DYDC2: variants seen among roughly 807,000 people sequenced by gnomAD.
DYDC2 encodes DPY30 domain containing 2, also known as DPY30 domain-containing protein 2.
DYDC2 carries 19 observed loss-of-function variants against 18.7 expected under a neutral mutation model. The ratio of observed to expected loss-of-function variants is 1.02; its 90% CI spans 0.71 to 1.49. DYDC2 has a LOEUF of 1.49. Among genes scored for constraint, DYDC2 ranks in the 40% most tolerant of loss-of-function variants. The pLI is 0.00. For missense variants in DYDC2, 179 were observed against 205.1 expected, an observed-to-expected ratio of 0.87 and a Z score of 0.78; for synonymous variants, 63 against 67.6, an observed-to-expected ratio of 0.93 and a Z score of 0.34.
upstream of DYDC2, chr10:80,356,731 C>G (rs1025625784): frequency 9.1e-6 from 9 of 985,314 alleles, no homozygotes; most frequent in Non-Finnish European, 9.6e-6. Flanking sequence ...CGCGCCTGCT[C>G]GCCACCCAGG....
upstream of DYDC2, among the ~76,000 whole-genome samples, chr10:80,353,834 T>TCA (rs1843164463): frequency 6.6e-6 from 1 of 152,112 alleles, no homozygotes; most frequent in Non-Finnish European, 1.5e-5. Flanking sequence ...AAATCAATAA[T>TCA]GATAATATCT....
chr10:80,361,085 C>T (rs1034923298), intron 2 of DYDC2, among the ~76,000 whole-genome samples: 1 of 152,040 alleles, frequency 6.6e-6, no homozygotes, highest in African/African-American at 2.4e-5. Context: ...ATTATTTTTT[C>T]TTGTCCAGGC....
rs895286578 is a variant in DYDC2 at position 80,357,963 on chromosome 10, A to C, written c.-92A>C. On this transcript the variant is annotated 5_prime_UTR_variant, in exon 2 of 5. Coordinates refer to ENST00000256039, the MANE Select transcript of DYDC2 (RefSeq NM_032372.6). Reference sequence around the variant, plus strand: ...AACCCCTATTCTTATCACCTTGCCTACTGAGTGCAAGTCCAGGAACTGTGT... The same window carrying C: ...AACCCCTATTCTTATCACCTTGCCTCCTGAGTGCAAGTCCAGGAACTGTGT... 1.8e-5 allele frequency: 18 copies of C among 985,076 alleles called. No homozygotes were observed. Among genetic ancestry groups the C allele is most frequent in the Non-Finnish European group, 2.0e-5 (17 of 829,720 alleles). 61.0% of individuals were successfully genotyped at this position (985,076 alleles called of 1,614,324 possible).
chr10:80,352,510 T>A, upstream of DYDC2: 1 of 1,613,544 alleles, frequency 6.2e-7, no homozygotes, highest in Non-Finnish European at 8.5e-7. Flanking sequence ...TGCTAAATAT[T>A]CTATCGGATC....
At chr10:80,366,163 G>C (rs1295457204) in intron 4 of DYDC2, among the ~76,000 whole-genome samples, 3 of 147,826 alleles carry the variant, frequency 2.0e-5, no homozygotes, top group East Asian at 4.2e-4. Context: ...CTCCCAAGTA[G>C]CTGGGATTAC....
In DYDC2 at chr10:80,367,103, A is replaced by G; in HGVS notation, c.*152A>G. On this transcript the variant is annotated 3_prime_UTR_variant, in exon 5 of 5. Coordinates refer to ENST00000256039, the MANE Select transcript of DYDC2 (RefSeq NM_032372.6). ...CTGAAAAACCCTTAATCATGTGAAC[A>G]TTTGAACTAGTTATAGGATAAAATA... 1 of 874,350 alleles carries G rather than the reference A, an allele frequency of 1.1e-6. No homozygotes were observed. The allele number at this position is 874,350 out of a possible 1,614,324, so 54.2% of individuals were successfully genotyped here.
chr10:80,360,835 T>C (rs1843645776), intron 2 of DYDC2, among the ~76,000 whole-genome samples: 1 of 151,472 alleles, frequency 6.6e-6, no homozygotes, highest in East Asian at 1.9e-4. Flanking sequence ...TCTCAACGCA[T>C]TGCAGCCACA....
chr10:80,363,622 A>G (rs145007832), intron 4 of DYDC2, among the ~76,000 whole-genome samples: 2 of 151,806 alleles, frequency 1.3e-5, no homozygotes, highest in African/African-American at 4.8e-5. Flanking sequence ...TGCTGGGATT[A>G]CAGGCGTGAG....
chr10:80,361,319 C>CA (rs1843659797), intron 2 of DYDC2, among the ~76,000 whole-genome samples: 1 of 152,170 alleles, frequency 6.6e-6, no homozygotes, highest in Non-Finnish European at 1.5e-5. Flanking sequence ...CATCAGGAGG[C>CA]AGTTGATGTC....
chr10:80,352,413 G>GT (rs768557501), upstream of DYDC2: 115 of 1,514,522 alleles, frequency 7.6e-5, no homozygotes, highest in Middle Eastern at 5.3e-4. Flanking sequence ...AGTTGGACCA[G>GT]TTTTTTTTCT....
At chr10:80,353,892 G>A (rs1843169384), upstream of DYDC2, among the ~76,000 whole-genome samples, 1 of 152,074 alleles carries the variant, frequency 6.6e-6, no homozygotes, top group Non-Finnish European at 1.5e-5. Context: ...TTGAAACCAT[G>A]TTAGTTGTAG....
chr10:80,355,986 T>TAAAAA (rs370903702), upstream of DYDC2, among the ~76,000 whole-genome samples: 4 of 118,890 alleles, frequency 3.4e-5, no homozygotes, highest in Admixed American at 2.5e-4. Context: ...GAAGTGAAGT[T>TAAAAA]AAAAAAAAAA....
Position 80,349,542 on chromosome 10 carries a change from GC to G in DYDC2, c.-310+4728del, listed in dbSNP as rs576771707. 1.7e-3 allele frequency among the ~76,000 whole-genome samples: 252 copies of G among 152,258 alleles called. 2 individuals carry two copies. Among genetic ancestry groups the G allele is most frequent in the African/African-American group, 6.0e-3 (248 of 41,544 alleles). On this transcript the variant is annotated intron_variant, in intron 1 of 4. Transcript: ENST00000372197. Reference sequence around the variant, plus strand: ...AGTGCTTGATATTTTATTTGCAAAAGCTTTTAAAGGTAATTTCTTAGTATTC... The same window carrying G: ...AGTGCTTGATATTTTATTTGCAAAAGTTTTAAAGGTAATTTCTTAGTATTC...
At chr10:80,359,225 C>T (rs139731763) in intron 2 of DYDC2, among the ~76,000 whole-genome samples, 3,812 of 152,252 alleles carry the variant, frequency 0.025, 147 homozygotes, top group South Asian at 0.16. Context: ...TTGAGCTAGA[C>T]ACAAAAGTTC....
upstream of DYDC2, chr10:80,356,398 G>A: frequency 2.0e-6 from 2 of 985,652 alleles, no homozygotes; most frequent in Non-Finnish European, 2.4e-6. Flanking sequence ...AACTGGGCGG[G>A]GGCACCCGGG....
At chr10:80,352,405 T>G, upstream of DYDC2, 1 of 1,502,524 alleles carries the variant, frequency 6.7e-7, no homozygotes, top group East Asian at 2.4e-5. Context: ...AGCAGACAAG[T>G]TGGACCAGTT....
At chr10:80,357,314 G>C (rs551749140) in intron 1 of DYDC2, among the ~76,000 whole-genome samples, 342 of 151,956 alleles carry the variant, frequency 2.3e-3, no homozygotes, top group Non-Finnish European at 3.7e-3. Context: ...GCGTGTGCTC[G>C]TGAGGGGTCG....
In DYDC2 at chr10:80,367,177, T is replaced by C. The variant is rs114539822; in HGVS notation, c.*226T>C. 553 of 510,390 alleles carry C rather than the reference T, an allele frequency of 1.1e-3. 5 individuals are homozygous for C. The highest frequency in any genetic ancestry group is 9.9e-3 in the African/African-American group (498 of 50,532). 31.6% of individuals were successfully genotyped at this position (510,390 alleles called of 1,614,324 possible). On this transcript the variant is annotated 3_prime_UTR_variant, in exon 5 of 5. Transcript: ENST00000256039. ...AAGTAACCAAGTGGCTGTGACTTTT[T>C]CCTCTTGTTTTATCAACGTTTTGGA... is the stretch of plus-strand genomic sequence containing the variant.
Position 80,367,342 on chromosome 10 carries a change from G to T in DYDC2, c.*391G>T. Reference sequence around the variant, plus strand: ...GGGACCAGGGGGCCAATGCTAGTATGGAGGCTGTGAAGTCCCCAAGCTCTG... The same window carrying T: ...GGGACCAGGGGGCCAATGCTAGTATTGAGGCTGTGAAGTCCCCAAGCTCTG... On this transcript the variant is annotated 3_prime_UTR_variant, in exon 5 of 5. Coordinates refer to ENST00000256039, the MANE Select transcript of DYDC2 (RefSeq NM_032372.6). 6.0e-6 allele frequency: 1 copy of T among 165,356 alleles called. No individual in the cohort carries two copies. The highest frequency in any genetic ancestry group is 1.6e-4 in the South Asian group (1 of 6,098). 10.2% of individuals were successfully genotyped at this position (165,356 alleles called of 1,614,324 possible). A position where few individuals can be genotyped will look rare whatever the true frequency, so the allele number is the denominator to read the frequency against.
Sources: allele counts gnomAD v4.1 joint callset (sites outside exome capture counted in the v4.1 genomes callset), GRCh38; gene constraint gnomAD v4.1.1; transcripts MANE v1.5; gene names NCBI Gene and HGNC (gene_info 2026-07-23, HGNC 2026-07-21).